CFDP1: variants seen among roughly 807,000 people sequenced by gnomAD.
CFDP1 encodes heterochromatin-stabilizing protein CFDP1.
In CFDP1, 31 loss-of-function variants were observed where a neutral mutation model predicts 40.1. The ratio of observed to expected loss-of-function variants is 0.77; its 90% CI spans 0.58 to 1.04. The LOEUF (loss-of-function observed/expected upper bound fraction) is 1.04. CFDP1 is among the 50% of genes least tolerant of loss of function. CFDP1 has a pLI of 0.00. For synonymous variants in CFDP1, 167 were observed against 120.0 expected (o/e 1.39, Z -2.56); for missense variants, 423 against 343.4 (o/e 1.23, Z -1.83).
In CFDP1 at chr16:75,384,893, T is replaced by C. The variant is rs921201460; in HGVS notation, c.650+10197A>G. Among the ~76,000 whole-genome samples the C allele has an allele frequency of 4.3e-4, 61 of 141,430 alleles. 2 individuals are homozygous for C. The highest frequency in any genetic ancestry group is 1.7e-3 in the African/African-American group (59 of 35,372). The allele number at this position is 141,430 out of a possible 152,430, so 92.8% of individuals were successfully genotyped here. A position where few individuals can be genotyped will look rare whatever the true frequency, so the allele number is the denominator to read the frequency against. On this transcript the variant is annotated intron_variant, in intron 5 of 6. Coordinates refer to ENST00000283882, the MANE Select transcript of CFDP1 (RefSeq NM_006324.3). Reference sequence around the variant, plus strand: ...ATATATATATATATATATATATATATATATATTGCAGACCAGTACAGACAG... The same window carrying C: ...ATATATATATATATATATATATATACATATATTGCAGACCAGTACAGACAG...
At chr16:75,415,022 T>G (rs539845676) in intron 1 of CFDP1, among the ~76,000 whole-genome samples, 6 of 152,214 alleles carry the variant, frequency 3.9e-5, no homozygotes, top group African/African-American at 1.4e-4. Context: ...TTTTAAGTAT[T>G]CACTAAATGA....
chr16:75,304,144 C>T (rs2078242386), intron 6 of CFDP1, among the ~76,000 whole-genome samples: 1 of 152,198 alleles, frequency 6.6e-6, no homozygotes, highest in South Asian at 2.1e-4. Context: ...TCTTGGCTCA[C>T]TGCAACCTCC....
chr16:75,431,178 A>T (rs1399999351), intron 1 of CFDP1, among the ~76,000 whole-genome samples: 2 of 151,950 alleles, frequency 1.3e-5, no homozygotes, highest in African/African-American at 4.8e-5. Context: ...TGGGCCTGGC[A>T]CGGTGGCTCA....
At chr16:75,421,818 T>A (rs553465649) in intron 1 of CFDP1, among the ~76,000 whole-genome samples, 1 of 152,202 alleles carries the variant, frequency 6.6e-6, no homozygotes, top group Admixed American at 6.5e-5. Context: ...CGGCTGTCCC[T>A]CCATATTTCT....
intron 5 of CFDP1, among the ~76,000 whole-genome samples, chr16:75,330,887 T>C (rs926425608): frequency 6.6e-6 from 1 of 151,912 alleles, no homozygotes; most frequent in Non-Finnish European, 1.5e-5. Flanking sequence ...GTAGCACAAT[T>C]TGCTATTATT....
At chr16:75,340,295 T>C (rs1567650546) in intron 5 of CFDP1, among the ~76,000 whole-genome samples, 1 of 152,170 alleles carries the variant, frequency 6.6e-6, no homozygotes, top group Non-Finnish European at 1.5e-5. Flanking sequence ...AGAGAAGAAA[T>C]AATTTAGAAG....
chr16:75,346,963 A>G (rs1048914515), intron 5 of CFDP1, among the ~76,000 whole-genome samples: 2 of 152,104 alleles, frequency 1.3e-5, no homozygotes, highest in African/African-American at 2.4e-5. Context: ...TGGTGTCACA[A>G]TGCGTCCCGG....
intron 5 of CFDP1, chr16:75,391,406 G>A (rs1024985908): frequency 4.6e-5 from 7 of 152,224 alleles, no homozygotes; most frequent in East Asian, 3.8e-4. Flanking sequence ...ACCTGCTGAA[G>A]GCTAATTCCA....
chr16:75,375,069 T>C, intron 5 of CFDP1, among the ~76,000 whole-genome samples: 1 of 149,008 alleles, frequency 6.7e-6, no homozygotes, highest in Middle Eastern at 3.2e-3. Context: ...AAAAAAAACC[T>C]AAATGTGTCC....
rs1260030851 is a variant in CFDP1, at chr16:75,396,640, T to C, written c.531-1431A>G. Among the ~76,000 whole-genome samples the C allele has an allele frequency of 1.9e-5, 2 of 105,528 alleles. 1 individual carries two copies. The highest frequency in any genetic ancestry group is 2.4e-4 in the Admixed American group (2 of 8,288). 69.2% of individuals were successfully genotyped at this position (105,528 alleles called of 152,430 possible). A position where few individuals can be genotyped will look rare whatever the true frequency, so the allele number is the denominator to read the frequency against. On this transcript the variant is annotated intron_variant, in intron 4 of 6. Coordinates refer to ENST00000283882, the MANE Select transcript of CFDP1 (RefSeq NM_006324.3). ...AAAACTGGCTAAATTAGCAATAATT[T>C]GGGAATGGACGAAAGCAACATGACT...
Position 75,327,393 on chromosome 16 carries a change from C to T in CFDP1, c.651-22211G>A, listed in dbSNP as rs1013830743. Reference sequence around the variant, plus strand: ...AGAGCTGCACAGAAAGCAAAGAGAACAAAGAGCCCAGACTTGTGCAGGAGA... The same window carrying T: ...AGAGCTGCACAGAAAGCAAAGAGAATAAAGAGCCCAGACTTGTGCAGGAGA... On this transcript the variant is annotated intron_variant, in intron 5 of 6. Coordinates refer to ENST00000283882, the MANE Select transcript of CFDP1 (RefSeq NM_006324.3). Among the ~76,000 whole-genome samples the T allele has an allele frequency of 6.2e-4, 95 of 152,210 alleles. 2 individuals carry two copies. Among genetic ancestry groups the T allele is most frequent in the Non-Finnish European group, 4.7e-4 (32 of 68,016 alleles).
chr16:75,433,168 G>C (rs975603209), intron 1 of CFDP1, 121 bp downstream of exon 1: 7 of 882,744 alleles, frequency 7.9e-6, no homozygotes, highest in African/African-American at 1.8e-5. Flanking sequence ...GCGGACGCTC[G>C]AGAACAGGAG....
At chr16:75,339,414 T>G (rs1015979466) in intron 5 of CFDP1, among the ~76,000 whole-genome samples, 24 of 152,216 alleles carry the variant, frequency 1.6e-4, no homozygotes, top group African/African-American at 5.3e-4. Context: ...TTCACTTCCC[T>G]TAAAGTCTTC....
At chr16:75,319,257 T>C (rs868316527) in intron 5 of CFDP1, among the ~76,000 whole-genome samples, 11 of 152,194 alleles carry the variant, frequency 7.2e-5, no homozygotes, top group Middle Eastern at 3.4e-3. Flanking sequence ...TTGGCCAGGA[T>C]GGTCTTGATC....
intron 1 of CFDP1, among the ~76,000 whole-genome samples, chr16:75,416,225 G>A (rs1450303070): frequency 6.6e-6 from 1 of 152,038 alleles, no homozygotes; most frequent in East Asian, 1.9e-4. Flanking sequence ...CCTCCAATAT[G>A]AAAGGCAAGA....
rs190969701 is a variant in CFDP1, at chr16:75,395,930, G to A, written c.531-721C>T. Among the ~76,000 whole-genome samples, 981 of 143,716 alleles carry A rather than the reference G, an allele frequency of 6.8e-3. 12 individuals carry two copies. The highest frequency in any genetic ancestry group is 0.01 in the Middle Eastern group (3 of 286). 94.3% of individuals were successfully genotyped at this position (143,716 alleles called of 152,430 possible). On this transcript the variant is annotated intron_variant, in intron 4 of 6. Coordinates refer to ENST00000283882, the MANE Select transcript of CFDP1 (RefSeq NM_006324.3). ...GTACCTGAGAATTCAGATAAAGAGA[G>A]AAGGAGAAATGTTTAATCCCTGCCT...
Position 75,335,747 on chromosome 16 carries a change from G to A in CFDP1, c.651-30565C>T, listed in dbSNP as rs896018547. Among the ~76,000 whole-genome samples, 6 of 152,062 alleles carry A rather than the reference G, an allele frequency of 3.9e-5. No individual in the cohort carries two copies. The East Asian group carries it at 7.7e-4, about 20-fold the overall frequency. On this transcript the variant is annotated intron_variant, in intron 5 of 6. Transcript: ENST00000283882. ...AATTTTTTGTGTTTTTAGCAGAGACGGGGTTTCACCGTGTTAGCCAGGATG... is the reference window on the plus strand; with the variant it reads ...AATTTTTTGTGTTTTTAGCAGAGACAGGGTTTCACCGTGTTAGCCAGGATG...
At chr16:75,319,203 C>T (rs531928919) in intron 5 of CFDP1, among the ~76,000 whole-genome samples, 30 of 152,182 alleles carry the variant, frequency 2.0e-4, no homozygotes, top group African/African-American at 7.0e-4. Context: ...GCCACCATGC[C>T]CAGCTAATTT....
At chr16:75,321,894 G>C (rs1042959201) in intron 5 of CFDP1, 1 of 152,188 alleles carries the variant, frequency 6.6e-6, no homozygotes, top group Non-Finnish European at 1.5e-5. Flanking sequence ...TGCGATCTTG[G>C]CTCACGGCAA....
Sources: gnomAD v4.1 joint callset for allele counts (sites outside exome capture counted in the v4.1 genomes callset) on GRCh38, gnomAD v4.1.1 for gene constraint, MANE v1.5 for transcripts, NCBI Gene and HGNC (gene_info 2026-07-23, HGNC 2026-07-21) for gene names.